The following GATA6 variants were observed in gnomAD, a reference collection of about 807,000 sequenced individuals.
The protein encoded by GATA6 is GATA binding protein 6, also known as transcription factor GATA-6.
Under a neutral mutation model 48.1 loss-of-function variants are expected in GATA6, and 11 were observed. The observed-to-expected ratio is 0.23, with a 90% CI of 0.14 to 0.38. The LOEUF (loss-of-function observed/expected upper bound fraction) is 0.38. Among genes scored for constraint, GATA6 ranks in the 10% least tolerant of loss-of-function variants. The pLI is 1.00. For synonymous variants in GATA6, 419 were observed against 396.1 expected, an observed-to-expected ratio of 1.06 and a Z score of -0.69; for missense variants, 795 against 850.3, an observed-to-expected ratio of 0.93 and a Z score of 0.81.
chr18:22,186,530 A>C (rs1271553952), intron 6 of GATA6, among the ~76,000 whole-genome samples: 1 of 152,120 alleles, frequency 6.6e-6, no homozygotes, highest in East Asian at 1.9e-4. Context: ...CCTGCCTTTC[A>C]CGTGGCCATT....
At chr18:22,175,136 A>C (rs1269563282) in intron 2 of GATA6, among the ~76,000 whole-genome samples, 2 of 152,194 alleles carry the variant, frequency 1.3e-5, no homozygotes, top group Non-Finnish European at 2.9e-5. Context: ...GCTTTTATAA[A>C]GACAGCATTT....
intron 3 of GATA6, among the ~76,000 whole-genome samples, chr18:22,177,952 G>GTTTT (rs775374335): frequency 9.9e-5 from 8 of 80,500 alleles, no homozygotes; most frequent in African/African-American, 1.5e-4. Context: ...CTGTTTTTTT[G>GTTTT]TTTTTTTTTT....
intron 6 of GATA6, among the ~76,000 whole-genome samples, chr18:22,190,592 TGA>T (rs4006394): frequency 3.4e-4 from 52 of 152,194 alleles, no homozygotes; most frequent in African/African-American, 9.2e-4. Flanking sequence ...AAAGGGTCTG[TGA>T]GAGAGTTATG....
At chr18:22,197,600 A>G (rs552843722) in intron 6 of GATA6, among the ~76,000 whole-genome samples, 4 of 152,244 alleles carry the variant, frequency 2.6e-5, no homozygotes, top group South Asian at 4.1e-4. Flanking sequence ...GCCAATAACA[A>G]TAGCTTCCCT....
In GATA6 at chr18:22,171,868, G is replaced by GCTGGCGGCGGGGCCGCGGGGC. The variant is rs1316111445; in HGVS notation, c.734_754dup (p.Gly245_Gly251dup). ...TCCATACGGCAGCGGAGGCGGCGCG[G>GCTGGCGGCGGGGCCGCGGGGC]CTGGCGGCGGGGCCGCGGGGCCTGG... is the stretch of plus-strand genomic sequence containing the variant. On this transcript the variant is annotated inframe_insertion, in exon 2 of 7. Coordinates refer to ENST00000269216, the MANE Select transcript of GATA6 (RefSeq NM_005257.6). The surrounding 1 kb of genome is among the most constrained non-coding windows in gnomAD (Gnocchi z 7.1). The GCTGGCGGCGGGGCCGCGGGGC allele has an allele frequency of 6.0e-6, 7 of 1,166,770 alleles. No individual in the cohort carries two copies. The African/African-American group carries it at 1.1e-4, about 19-fold the overall frequency. The allele number at this position is 1,166,770 out of a possible 1,614,324, so 72.3% of individuals were successfully genotyped here.
At position 22,171,033 on chromosome 18, in the gene GATA6, C is replaced by A; in HGVS notation, c.-37-75C>A. On this transcript the variant is annotated intron_variant, in intron 1 of 6. Transcript: ENST00000269216. This position sits in a 1 kb window ranked among gnomAD's most constrained non-coding sequence, Gnocchi z 7.1. The stretch of plus-strand genomic sequence containing the variant: ...TTTGAACTAGAAAAAGGAGTGGAGG[C>A]GAGGTAGCGTGCAGCCTACGCTCTT... The A allele has an allele frequency of 1.2e-6, 1 of 856,542 alleles. No homozygotes were observed. The highest frequency in any genetic ancestry group is 1.4e-5 in the South Asian group (1 of 70,532). 53.1% of individuals were successfully genotyped at this position (856,542 alleles called of 1,614,324 possible).
In GATA6 at chr18:22,171,301, G is replaced by A. The variant is rs1311659713; in HGVS notation, c.157G>A (p.Gly53Ser). 10 of 1,591,228 alleles carry A rather than the reference G, an allele frequency of 6.3e-6. No homozygotes were observed. Among genetic ancestry groups the A allele is most frequent in the Admixed American group, 1.7e-5 (1 of 59,540 alleles). The change falls in exon 2 of 7, where the codon GGC (glycine) becomes AGC (serine). Residue 53 changes from glycine to serine, a missense_variant. By Grantham distance (56) the Gly-to-Ser change is moderately conservative. Transcript: ENST00000269216. This position sits in a 1 kb window ranked among gnomAD's most constrained non-coding sequence, Gnocchi z 7.1. ...CTCCTGCTCCCGGGGCGGAGAGCGG[G>A]GCCCCGGCGGCGCCAGCAACTGCGG... ...SSSCSRGGER[G>S]PGGASNCGTP...
Position 22,201,009 on chromosome 18 carries a change from C to T in GATA6, c.*186C>T. The T allele has an allele frequency of 1.3e-6, 1 of 790,380 alleles. No homozygotes were observed. The allele number at this position is 790,380 out of a possible 1,614,324, so 49.0% of individuals were successfully genotyped here. On this transcript the variant is annotated 3_prime_UTR_variant, in exon 7 of 7. Coordinates refer to ENST00000269216, the MANE Select transcript of GATA6 (RefSeq NM_005257.6). ...AGTGAGAGAAGATGGAAGGGAAGGG[C>T]CAGTGCAACTGGGCGCTTGGGCCAC...
Position 22,201,784 on chromosome 18 carries a change from G to A in GATA6, c.*961G>A, listed in dbSNP as rs1411852091. The A allele has an allele frequency of 6.6e-6, 1 of 152,564 alleles. No homozygotes were observed. Among genetic ancestry groups the A allele is most frequent in the Non-Finnish European group, 1.5e-5 (1 of 68,034 alleles). The allele number at this position is 152,564 out of a possible 1,614,324, so 9.5% of individuals were successfully genotyped here. On this transcript the variant is annotated 3_prime_UTR_variant, in exon 7 of 7. Coordinates refer to ENST00000269216, the MANE Select transcript of GATA6 (RefSeq NM_005257.6). ...CTGTGGAATATGTGCTGGAAAAATT[G>A]CAACAACACTTTACTACCTAACGGA...
Position 22,199,920 on chromosome 18 carries a change from AAAAG to A in GATA6, c.1621-728_1621-725del, listed in dbSNP as rs1178999892. Among the ~76,000 whole-genome samples, 570 of 151,098 alleles carry A rather than the reference AAAAG, an allele frequency of 3.8e-3. 4 individuals carry two copies. The highest frequency in any genetic ancestry group is 0.013 in the African/African-American group (538 of 40,838). On this transcript the variant is annotated intron_variant, in intron 6 of 6. Transcript: ENST00000269216. ...TGTTTCAAAAAAAAAAAAAAAAAAA[AAAAG>A]AAAGAAATCATTGCCATGATCATGG...
intron 6 of GATA6, among the ~76,000 whole-genome samples, chr18:22,187,808 A>G (rs751511147): frequency 1.3e-5 from 2 of 152,096 alleles, no homozygotes; most frequent in African/African-American, 2.4e-5. Context: ...TAACTTGGAG[A>G]TGAAATTAGC....
intron 6 of GATA6, among the ~76,000 whole-genome samples, chr18:22,191,261 AAAGAAT>A (rs1349122749): frequency 2.0e-5 from 3 of 152,164 alleles, no homozygotes; most frequent in Non-Finnish European, 4.4e-5. Flanking sequence ...AATACTGGAT[AAAGAAT>A]AAGTGTGGGC....
rs544055167 is a variant in GATA6, at chr18:22,184,148, G to T, written c.1620+1105G>T. Among the ~76,000 whole-genome samples the T allele has an allele frequency of 8.5e-5, 13 of 152,204 alleles. No individual in the cohort carries two copies. The East Asian group carries it at 2.5e-3, about 29-fold the overall frequency. ...GAGGTGTTTGGGAACCACAGACCTGGTTTCTTTCCACTGTATTTTTACTGG... is the reference window on the plus strand; with the variant it reads ...GAGGTGTTTGGGAACCACAGACCTGTTTTCTTTCCACTGTATTTTTACTGG... On this transcript the variant is annotated intron_variant, in intron 6 of 6. Coordinates refer to ENST00000269216, the MANE Select transcript of GATA6 (RefSeq NM_005257.6).
rs2033466402 is a variant in GATA6 at position 22,201,833 on chromosome 18, A to G, written c.*1010A>G. The G allele has an allele frequency of 6.6e-6, 1 of 152,670 alleles. No homozygotes were observed. The highest frequency in any genetic ancestry group is 2.1e-4 in the South Asian group (1 of 4,834). The allele number at this position is 152,670 out of a possible 1,614,324, so 9.5% of individuals were successfully genotyped here. A position where few individuals can be genotyped will look rare whatever the true frequency, so the allele number is the denominator to read the frequency against. Reference sequence around the variant, plus strand: ...GATAGCATTTGTAAATACTCTAGGTATCTGTAAACACTCTGATGAAGTCTG... The same window carrying G: ...GATAGCATTTGTAAATACTCTAGGTGTCTGTAAACACTCTGATGAAGTCTG... On this transcript the variant is annotated 3_prime_UTR_variant, in exon 7 of 7. Coordinates refer to ENST00000269216, the MANE Select transcript of GATA6 (RefSeq NM_005257.6).
At chr18:22,191,143 A>C (rs2033324044) in intron 6 of GATA6, among the ~76,000 whole-genome samples, 1 of 151,566 alleles carries the variant, frequency 6.6e-6, no homozygotes, top group Non-Finnish European at 1.5e-5. Context: ...GGCTTTGTAC[A>C]TTAGGAAACA....
At position 22,200,657 on chromosome 18, in the gene GATA6, C is replaced by G. The variant is rs1441023437; in HGVS notation, c.1622C>G (p.Ala541Gly). ...SPTTQPTASG[A>G]GAPVMTGAGE... ...CTCTGTGTCCCCCTCTTCTGCCAGG[C>G]GGGTGCCCCGGTGATGACTGGTGCG... The change falls in exon 7 of 7, where the codon GCG becomes GGG. Residue 541 changes from alanine to glycine, a missense_variant and splice_region_variant. Transcript: ENST00000269216. 6.2e-7 allele frequency: 1 copy of G among 1,614,128 alleles called. No homozygotes were observed. Among genetic ancestry groups the G allele is most frequent in the African/African-American group, 1.3e-5 (1 of 74,944 alleles).
intron 6 of GATA6, among the ~76,000 whole-genome samples, chr18:22,193,562 G>GC (rs2033352686): frequency 6.6e-6 from 1 of 152,180 alleles, no homozygotes; most frequent in Non-Finnish European, 1.5e-5. Flanking sequence ...ACAAGAAAAA[G>GC]CCGTAAGCAC....
chr18:22,191,662 A>G (rs777501247), intron 6 of GATA6, among the ~76,000 whole-genome samples: 1 of 152,222 alleles, frequency 6.6e-6, no homozygotes, highest in Non-Finnish European at 1.5e-5. Context: ...TGAAATTTTA[A>G]TAATTTAAAA....
chr18:22,200,675 C>G lies in GATA6; in HGVS notation c.1640C>G (p.Thr547Ser). ...TGCCAGGCGGGTGCCCCGGTGATGA[C>G]TGGTGCGGGAGAGAGCACCAATCCC... ...TASGAGAPVM[T>S]GAGESTNPEN... Residue 547 changes from threonine to serine, a missense_variant, in exon 7 of 7, where the codon ACT (threonine) becomes AGT (serine). Thr to Ser is a moderately conservative substitution (Grantham distance 58). Around this residue, in one of 5 missense-constraint regions of GATA6, gnomAD observed 103 missense variants for 103.7 expected, o/e 0.99. Transcript: ENST00000269216. The G allele has an allele frequency of 6.2e-7, 1 of 1,614,266 alleles. No homozygotes were observed. Among genetic ancestry groups the G allele is most frequent in the Non-Finnish European group, 8.5e-7 (1 of 1,180,046 alleles).
Sources: allele counts gnomAD v4.1 joint callset (sites outside exome capture counted in the v4.1 genomes callset), GRCh38; gene constraint gnomAD v4.1.1; regional missense constraint gnomAD v4.1.1; non-coding constraint Gnocchi (gnomAD v3.1); transcripts MANE v1.5; gene names NCBI Gene and HGNC (gene_info 2026-07-23, HGNC 2026-07-21).